Variants in KLHL6 observed in about 807,000 individuals in gnomAD.
KLHL6 encodes kelch like family member 6.
Under a neutral mutation model 58.6 loss-of-function variants are expected in KLHL6, and 41 were observed. That is an observed-to-expected ratio of 0.70 (90% CI 0.55 to 0.91). The LOEUF is 0.91. Among genes scored for constraint, KLHL6 ranks in the 40% least tolerant of loss-of-function variants. The probability of loss-of-function intolerance (pLI) is 0.00; values close to 1 mark genes in which losing one functional copy is unlikely to be tolerated. For synonymous variants in KLHL6, 338 were observed against 322.7 expected, an observed-to-expected ratio of 1.05 and a Z score of -0.51; for missense variants, 714 against 805.6, an observed-to-expected ratio of 0.89 and a Z score of 1.38.
chr3:183,529,592 C>A (rs1712090758), intron 1 of KLHL6, among the ~76,000 whole-genome samples: 1 of 152,078 alleles, frequency 6.6e-6, no homozygotes, highest in South Asian at 2.1e-4. Context: ...AATCCCAGCA[C>A]TTTGGAAGGC....
At chr3:183,542,458 CT>C (rs1300471364) in intron 1 of KLHL6, among the ~76,000 whole-genome samples, 2 of 152,166 alleles carry the variant, frequency 1.3e-5, no homozygotes, top group Non-Finnish European at 2.9e-5. Flanking sequence ...ATGTGCTTCT[CT>C]TTGCCTGGAA....
chr3:183,537,980 A>T (rs950224960), intron 1 of KLHL6, among the ~76,000 whole-genome samples: 2 of 152,132 alleles, frequency 1.3e-5, no homozygotes, highest in Non-Finnish European at 2.9e-5. Context: ...GACGGTCCCT[A>T]GGGAAAGTGA....
At chr3:183,554,832 T>C (rs1713050881) in intron 1 of KLHL6, among the ~76,000 whole-genome samples, 1 of 152,230 alleles carries the variant, frequency 6.6e-6, no homozygotes, top group Non-Finnish European at 1.5e-5. Context: ...TTTTAAATGA[T>C]GCCAATCTCT....
In KLHL6 at chr3:183,492,309, G is replaced by C; in HGVS notation, c.1565-81C>G. ...TCTTAACCACTAAAATTCAACTTCTGATTAGGCCAAGTCTACCCTCTTGCC... is the reference window on the plus strand; with the variant it reads ...TCTTAACCACTAAAATTCAACTTCTCATTAGGCCAAGTCTACCCTCTTGCC... On this transcript the variant is annotated intron_variant, in intron 6 of 6. Transcript: ENST00000341319. The surrounding 1 kb of genome is among the most constrained non-coding windows in gnomAD (Gnocchi z 5.9). The C allele has an allele frequency of 7.2e-7, 1 of 1,386,524 alleles. No homozygotes were observed. Among genetic ancestry groups the C allele is most frequent in the South Asian group, 1.4e-5 (1 of 70,280 alleles). 85.9% of individuals were successfully genotyped at this position (1,386,524 alleles called of 1,614,324 possible).
At chr3:183,539,567 G>A (rs773654404) in intron 1 of KLHL6, among the ~76,000 whole-genome samples, 37 of 151,962 alleles carry the variant, frequency 2.4e-4, no homozygotes, top group Non-Finnish European at 3.8e-4. Flanking sequence ...AAATTAGCTC[G>A]GTGTGGTGGC....
chr3:183,524,668 T>C (rs1711890024), intron 2 of KLHL6, among the ~76,000 whole-genome samples: 1 of 152,166 alleles, frequency 6.6e-6, no homozygotes, highest in Non-Finnish European at 1.5e-5. Flanking sequence ...TGTCTCTTCC[T>C]GCACCAGGAA....
rs1717605195 is a variant in KLHL6 at position 183,492,740 on chromosome 3, CAGTCA to C, written c.1351-38_1351-34del. 5 of 1,601,828 alleles carry C rather than the reference CAGTCA, an allele frequency of 3.1e-6. No homozygotes were observed. The highest frequency in any genetic ancestry group is 4.3e-6 in the Non-Finnish European group (5 of 1,171,798). Reference sequence around the variant, plus strand: ...GGCACAGGGCACAAGAAGAAGCTGTCAGTCATGCTGCCCAGATTGCTGCAGTAGCT... The same window carrying C: ...GGCACAGGGCACAAGAAGAAGCTGTCTGCTGCCCAGATTGCTGCAGTAGCT... On this transcript the variant is annotated intron_variant, in intron 5 of 6. Transcript: ENST00000341319. This position sits in a 1 kb window ranked among gnomAD's most constrained non-coding sequence, Gnocchi z 5.9.
At chr3:183,515,116 C>T (rs904390195) in intron 2 of KLHL6, among the ~76,000 whole-genome samples, 1 of 152,126 alleles carries the variant, frequency 6.6e-6, no homozygotes, top group Non-Finnish European at 1.5e-5. Context: ...TGAGTTACTC[C>T]CTGGTATCCT....
chr3:183,508,026 G>A, intron 3 of KLHL6, 33 bp downstream of exon 3: 4 of 1,582,684 alleles, frequency 2.5e-6, no homozygotes, highest in Non-Finnish European at 3.5e-6. Context: ...TTACTTCGCT[G>A]GTTAAATATA....
intron 1 of KLHL6, among the ~76,000 whole-genome samples, chr3:183,545,532 T>A (rs1264152490): frequency 6.6e-6 from 1 of 152,194 alleles, no homozygotes; most frequent in Non-Finnish European, 1.5e-5. Context: ...GATTTTCTAA[T>A]CTTGATTGGA....
chr3:183,524,210 G>T (rs1711870349), intron 2 of KLHL6, among the ~76,000 whole-genome samples: 1 of 152,090 alleles, frequency 6.6e-6, no homozygotes, highest in African/African-American at 2.4e-5. Context: ...CATAGTTTGG[G>T]GCTGGCTTGC....
chr3:183,529,647 T>C (rs1306515017), intron 1 of KLHL6, among the ~76,000 whole-genome samples: 2 of 151,964 alleles, frequency 1.3e-5, no homozygotes, highest in Non-Finnish European at 2.9e-5. Flanking sequence ...CTGGCCAACA[T>C]GGTGAAACTC....
rs143250046 is a variant in KLHL6 at position 183,551,099 on chromosome 3, C to T, written c.293+4262G>A. On this transcript the variant is annotated intron_variant, in intron 1 of 6. Coordinates refer to ENST00000341319, the MANE Select transcript of KLHL6 (RefSeq NM_130446.4). The stretch of plus-strand genomic sequence containing the variant: ...TACTGCCACTGCACTCCAGCCTGGG[C>T]GACAGAGCAAGACTCTGTCTCAGAA... Among the ~76,000 whole-genome samples the T allele has an allele frequency of 9.9e-3, 1,405 of 142,200 alleles. 26 individuals are homozygous for T. The highest frequency in any genetic ancestry group is 0.035 in the African/African-American group (1,325 of 38,078). 93.3% of individuals were successfully genotyped at this position (142,200 alleles called of 152,430 possible).
intron 1 of KLHL6, among the ~76,000 whole-genome samples, chr3:183,535,015 G>A (rs1712317874): frequency 6.7e-6 from 1 of 150,368 alleles, no homozygotes; most frequent in East Asian, 1.9e-4. Context: ...CACAATATCG[G>A]CTCACTGCAG....
At position 183,544,796 on chromosome 3, in the gene KLHL6, A is replaced by ACG. The variant is rs1712666805; in HGVS notation, c.293+10564_293+10565insCG. 2.6e-5 allele frequency: 4 copies of ACG among 153,670 alleles called. No individual in the cohort carries two copies. The Admixed American group carries it at 2.6e-4, about 10-fold the overall frequency. 9.5% of individuals were successfully genotyped at this position (153,670 alleles called of 1,614,324 possible). The stretch of plus-strand genomic sequence containing the variant: ...CACACACACACACACACACACACAC[A>ACG]CACGCACAGCTCTTTAGCCAAGGGT... On this transcript the variant is annotated intron_variant, in intron 1 of 6. Transcript: ENST00000341319.
At position 183,492,908 on chromosome 3, in the gene KLHL6, G is replaced by A. The variant is rs1030374632; in HGVS notation, c.1351-201C>T. The A allele has an allele frequency of 1.6e-5, 9 of 554,848 alleles. No homozygotes were observed. Among genetic ancestry groups the A allele is most frequent in the African/African-American group, 7.6e-5 (4 of 52,922 alleles). 34.4% of individuals were successfully genotyped at this position (554,848 alleles called of 1,614,324 possible). A position where few individuals can be genotyped will look rare whatever the true frequency, so the allele number is the denominator to read the frequency against. Reference sequence around the variant, plus strand: ...TTCCCACCCTCCCTCCAGGCTCCACGCAAGCTAGAGCAAGCTGTGTGTTGG... The same window carrying A: ...TTCCCACCCTCCCTCCAGGCTCCACACAAGCTAGAGCAAGCTGTGTGTTGG... On this transcript the variant is annotated intron_variant, in intron 5 of 6. Transcript: ENST00000341319. The surrounding 1 kb of genome is among the most constrained non-coding windows in gnomAD (Gnocchi z 5.9).
rs369593266 is a variant in KLHL6, at chr3:183,555,501, G to A, written c.153C>T (p.Asp51=). The change falls in exon 1 of 7, where the codon GAC becomes GAT. Residue 51 remains aspartate (D), a synonymous_variant. Coordinates refer to ENST00000341319, the MANE Select transcript of KLHL6 (RefSeq NM_130446.4). ...TCTGAAGAATTAAGGAGAGTCCCGC[G>A]TCGTCAAATTTGACCTTTTCCCCAT... ...ILNGEKVKFD[D]AGLSLILQNG... 1.5e-5 allele frequency: 24 copies of A among 1,613,984 alleles called. No individual in the cohort carries two copies. Among genetic ancestry groups the A allele is most frequent in the African/African-American group, 1.2e-4 (9 of 74,902 alleles).
rs1255536122 is a variant in KLHL6 at position 183,491,666 on chromosome 3, C to T, written c.*261G>A. The T allele has an allele frequency of 1.1e-5, 4 of 364,604 alleles. No homozygotes were observed. Among genetic ancestry groups the T allele is most frequent in the Non-Finnish European group, 2.0e-5 (4 of 204,286 alleles). 22.6% of individuals were successfully genotyped at this position (364,604 alleles called of 1,614,324 possible). On this transcript the variant is annotated 3_prime_UTR_variant, in exon 7 of 7. Coordinates refer to ENST00000341319, the MANE Select transcript of KLHL6 (RefSeq NM_130446.4). ...AAAAGGAAGTGCCTGGCACAGAAGC[C>T]GGCATAGGGTGGGTGGGTCCTGAAT...
At chr3:183,518,608 T>C (rs1711635318) in intron 2 of KLHL6, among the ~76,000 whole-genome samples, 1 of 152,194 alleles carries the variant, frequency 6.6e-6, no homozygotes. Flanking sequence ...AGCACAGGCT[T>C]ACTCAGGGAA....
Sources: allele counts gnomAD v4.1 joint callset (sites outside exome capture counted in the v4.1 genomes callset), GRCh38; gene constraint gnomAD v4.1.1; non-coding constraint Gnocchi (gnomAD v3.1); transcripts MANE v1.5; gene names NCBI Gene and HGNC (gene_info 2026-07-23, HGNC 2026-07-21).